ESR2: variants seen among roughly 807,000 people sequenced by gnomAD.
ESR2 encodes the protein estrogen receptor 2, also known as estrogen receptor beta.
ESR2 carries 36 observed loss-of-function variants against 49.6 expected under a neutral mutation model. That is an observed-to-expected ratio of 0.73 (90% CI 0.56 to 0.96). ESR2 has a LOEUF of 0.96. Among genes scored for constraint, ESR2 ranks in the 40% least tolerant of loss-of-function variants. ESR2 has a pLI of 0.00. For missense variants in ESR2, 714 were observed against 693.0 expected (o/e 1.03, Z -0.34); for synonymous variants, 320 against 266.1 (o/e 1.20, Z -1.97).
intron 4 of ESR2, among the ~76,000 whole-genome samples, chr14:64,262,804 A>T (rs905681449): frequency 2.0e-5 from 3 of 152,098 alleles, no homozygotes; most frequent in Non-Finnish European, 1.5e-5. Context: ...CTAGCTGTTT[A>T]GGAAGGTGAG....
chr14:64,241,004 G>A (rs964428855), intron 7 of ESR2, among the ~76,000 whole-genome samples: 1 of 151,790 alleles, frequency 6.6e-6, no homozygotes, highest in African/African-American at 2.4e-5. Flanking sequence ...AAATTAGCCG[G>A]GCGTGATGGT....
At chr14:64,296,278 C>T (rs947658462), upstream of ESR2, among the ~76,000 whole-genome samples, 1 of 152,160 alleles carries the variant, frequency 6.6e-6, no homozygotes, top group African/African-American at 2.4e-5. Flanking sequence ...GAGATATTGA[C>T]TCCACTTTTC....
intron 1 of ESR2, among the ~76,000 whole-genome samples, chr14:64,286,655 A>C (rs2076789657): frequency 6.6e-6 from 1 of 152,154 alleles, no homozygotes; most frequent in African/African-American, 2.4e-5. Flanking sequence ...CTTATTCTTA[A>C]CAGAAAATAT....
At chr14:64,311,408 G>C (rs1006039051) in intron 1 of ESR2, among the ~76,000 whole-genome samples, 5 of 152,028 alleles carry the variant, frequency 3.3e-5, no homozygotes, top group African/African-American at 1.2e-4. Flanking sequence ...GGGAGGCTGA[G>C]GCAGGCGGAT....
At chr14:64,263,787 G>C (rs964633357) in intron 4 of ESR2, among the ~76,000 whole-genome samples, 5 of 152,152 alleles carry the variant, frequency 3.3e-5, no homozygotes, top group African/African-American at 1.2e-4. Context: ...TCTCTCAACA[G>C]CTGAAAGAGC....
chr14:64,228,941 C>A lies in ESR2; in HGVS notation c.*4196G>T, dbSNP rs1219482433. Among the ~76,000 whole-genome samples the A allele has an allele frequency of 1.3e-5, 2 of 152,306 alleles. No homozygotes were observed. The highest frequency in any genetic ancestry group is 1.9e-4 in the East Asian group (1 of 5,178). On this transcript the variant is annotated 3_prime_UTR_variant, in exon 9 of 9. Transcript: ENST00000341099. ...TTTGAGAGCTATAAAGAATAAGTGG[C>A]ACGTGTTTTCACACTGTAGTATATC...
intron 4 of ESR2, among the ~76,000 whole-genome samples, chr14:64,264,267 G>A (rs1387949198): frequency 6.6e-6 from 1 of 152,132 alleles, no homozygotes; most frequent in Non-Finnish European, 1.5e-5. Flanking sequence ...TTGGCTCCCA[G>A]GAAAATTTGT....
intron 1 of ESR2, among the ~76,000 whole-genome samples, chr14:64,308,368 A>G (rs1459480265): frequency 6.6e-6 from 1 of 152,100 alleles, no homozygotes; most frequent in Non-Finnish European, 1.5e-5. Context: ...GCACTATTTT[A>G]TTGTATCTCA....
Position 64,234,962 on chromosome 14 carries a change from G to C in ESR2, c.1406+8C>G. 6.2e-7 allele frequency: 1 copy of C among 1,613,604 alleles called. No homozygotes were observed. The highest frequency in any genetic ancestry group is 8.5e-7 in the Non-Finnish European group (1 of 1,179,604). ...AGCCCAAGCAGAGCAGCTCCTTAGG[G>C]CGCGTACCTCGCATGCCTGACGTGG... On this transcript the variant is annotated splice_region_variant and intron_variant, in intron 8 of 8. Coordinates refer to ENST00000341099, the MANE Select transcript of ESR2 (RefSeq NM_001437.3).
chr14:64,283,219 A>G (rs1015423421), intron 1 of ESR2, 144 bp from the exon 2 acceptor site: 16 of 368,860 alleles, frequency 4.3e-5, no homozygotes, highest in Non-Finnish European at 7.8e-5. Flanking sequence ...TATTAACCTC[A>G]GAGGAGTGGG....
At chr14:64,241,761 T>C (rs1321952223) in intron 7 of ESR2, among the ~76,000 whole-genome samples, 1 of 152,244 alleles carries the variant, frequency 6.6e-6, no homozygotes, top group African/African-American at 2.4e-5. Flanking sequence ...TTATATATAT[T>C]GCCCTTACAC....
intron 1 of ESR2, among the ~76,000 whole-genome samples, chr14:64,334,748 G>C (rs1290896053): frequency 6.6e-6 from 1 of 152,252 alleles, no homozygotes. Context: ...CTGGGTTCAA[G>C]TGATTCTCCT....
chr14:64,320,619 G>A (rs2077314280), intron 1 of ESR2, among the ~76,000 whole-genome samples: 1 of 152,148 alleles, frequency 6.6e-6, no homozygotes. Context: ...CAGGCTGGGC[G>A]CAGTGACTCA....
intron 8 of ESR2, chr14:64,234,761 G>T: frequency 8.8e-7 from 1 of 1,136,470 alleles, no homozygotes; most frequent in Non-Finnish European, 1.2e-6. Flanking sequence ...TGGCTGCCAT[G>T]CAGAGCCTGT....
At chr14:64,333,070 G>T (rs942668637) in intron 1 of ESR2, among the ~76,000 whole-genome samples, 4 of 151,506 alleles carry the variant, frequency 2.6e-5, no homozygotes, top group Non-Finnish European at 2.9e-5. Context: ...GTAGAGATGG[G>T]GTTTCACCGT....
At chr14:64,277,919 TA>T (rs1188213512) in intron 3 of ESR2, among the ~76,000 whole-genome samples, 1 of 152,062 alleles carries the variant, frequency 6.6e-6, no homozygotes, top group Non-Finnish European at 1.5e-5. Flanking sequence ...CAATTGTTAT[TA>T]GCTGTAGTCT....
At chr14:64,261,156 T>C (rs1683302671) in intron 4 of ESR2, among the ~76,000 whole-genome samples, 1 of 151,790 alleles carries the variant, frequency 6.6e-6, no homozygotes, top group Non-Finnish European at 1.5e-5. Context: ...ACAAATTAAG[T>C]GAAAAAATCT....
intron 1 of ESR2, chr14:64,329,478 T>C (rs1596500074): frequency 6.6e-6 from 1 of 152,152 alleles, no homozygotes; most frequent in African/African-American, 2.4e-5. Context: ...GGGAAAGGAA[T>C]TGGAAATAAC....
rs56160081 is a variant in ESR2 at position 64,245,509 on chromosome 14, CAAAAAA to C, written c.1225+4031_1225+4036del. 5.7e-3 allele frequency among the ~76,000 whole-genome samples: 375 copies of C among 65,494 alleles called. 1 individual carries two copies. The highest frequency in any genetic ancestry group is 8.5e-3 in the Non-Finnish European group (324 of 37,980). 43.0% of individuals were successfully genotyped at this position (65,494 alleles called of 152,430 possible). A position where few individuals can be genotyped will look rare whatever the true frequency, so the allele number is the denominator to read the frequency against. ...CCTGGGCGACAGGGCAAGACTCTGT[CAAAAAA>C]AAAAAAAAAAAAAAAAAAAAAGATT... On this transcript the variant is annotated intron_variant, in intron 7 of 8. Transcript: ENST00000341099.
Sources: gnomAD v4.1 joint callset for allele counts (sites outside exome capture counted in the v4.1 genomes callset) on GRCh38, gnomAD v4.1.1 for gene constraint, MANE v1.5 for transcripts, NCBI Gene and HGNC (gene_info 2026-07-23, HGNC 2026-07-21) for gene names.